Variants in C2CD3 observed in about 807,000 individuals in gnomAD.
C2CD3 encodes C2 domain-containing protein 3.
In C2CD3, 148 loss-of-function variants were observed where a neutral mutation model predicts 234.0. The observed-to-expected ratio is 0.63, with a 90% CI of 0.55 to 0.72. The LOEUF is 0.72. Ranked by LOEUF, C2CD3 falls within the 30% of genes least tolerant of loss-of-function variation. The pLI, the probability that C2CD3 is intolerant of heterozygous loss-of-function variation, is 0.00. For missense variants in C2CD3, 2,577 were observed against 2,811.5 expected, an observed-to-expected ratio of 0.92 and a Z score of 1.89; for synonymous variants, 1,000 against 1,035.4, an observed-to-expected ratio of 0.97 and a Z score of 0.66.
Position 74,013,503 on chromosome 11 carries a change from C to T in C2CD3, c.6944G>A (p.Gly2315Glu), listed in dbSNP as rs1951768701. The change falls in exon 33 of 33, where the codon GGA becomes GAA. Residue 2315 changes from glycine (G) to glutamate (E), a missense_variant. By Grantham distance (98) the Gly-to-Glu change is moderately conservative (BLOSUM62 -2). Coordinates refer to ENST00000334126, the MANE Select transcript of C2CD3 (RefSeq NM_001286577.2). ...GCGACAAGGCCTTTGGGAGAGAGCT[C>T]CCCTGGTGGCTTCGCTCTTGTCCTG... ...TDQDKSEATRGALSQRPCRPR... is the reference protein window; with the variant it reads ...TDQDKSEATREALSQRPCRPR... The T allele has an allele frequency of 1.5e-6, 2 of 1,371,430 alleles. No individual in the cohort carries two copies. Among genetic ancestry groups the T allele is most frequent in the Admixed American group, 3.6e-5 (1 of 28,164 alleles). The allele number at this position is 1,371,430 out of a possible 1,614,324, so 85.0% of individuals were successfully genotyped here. A position where few individuals can be genotyped will look rare whatever the true frequency, so the allele number is the denominator to read the frequency against.
intron 9 of C2CD3, among the ~76,000 whole-genome samples, chr11:74,117,112 A>G (rs143454945): frequency 2.2e-5 from 1 of 44,596 alleles, no homozygotes; most frequent in Non-Finnish European, 3.9e-5. Context: ...ATATATATAT[A>G]TGAATATATA....
intron 7 of C2CD3, among the ~76,000 whole-genome samples, chr11:74,130,563 C>G (rs1188426129): frequency 6.6e-6 from 1 of 152,074 alleles, no homozygotes; most frequent in African/African-American, 2.4e-5. Context: ...TGGGGCTATC[C>G]AGTTGTTCCA....
intron 29 of C2CD3, among the ~76,000 whole-genome samples, chr11:74,038,254 T>G (rs1320754580): frequency 1.3e-5 from 2 of 152,206 alleles, no homozygotes; most frequent in African/African-American, 4.8e-5. Flanking sequence ...CCCAGCATAG[T>G]GCTTGGCACA....
At chr11:74,064,152 G>A (rs1385225859) in intron 24 of C2CD3, among the ~76,000 whole-genome samples, 8 of 151,758 alleles carry the variant, frequency 5.3e-5, no homozygotes, top group Non-Finnish European at 1.5e-5. Flanking sequence ...GCGGTGTTTG[G>A]TTTTTTGTCC....
chr11:74,161,159 A>C (rs994005906), intron 3 of C2CD3, among the ~76,000 whole-genome samples: 2 of 152,194 alleles, frequency 1.3e-5, no homozygotes, highest in Non-Finnish European at 1.5e-5. Flanking sequence ...GTACAAGAAG[A>C]ATGAATGCTG....
Position 74,074,320 on chromosome 11 carries a change from A to G in C2CD3, c.4884T>C (p.Pro1628=), listed in dbSNP as rs1255364457. ...CTGCAAACGTTCCATCCAAATCAGC[A>G]GGGCCCTCCTGCGTCAGGCGGACTT... ...TAEVRLTQEG[P]ADLDGTFAVS... The change falls in exon 24 of 33, where the codon CCT becomes CCC. Residue 1628 remains proline (P), a synonymous_variant. Coordinates refer to ENST00000334126, the MANE Select transcript of C2CD3 (RefSeq NM_001286577.2). 1 of 1,614,222 alleles carries G rather than the reference A, an allele frequency of 6.2e-7. No homozygotes were observed. Among genetic ancestry groups the G allele is most frequent in the South Asian group, 1.1e-5 (1 of 91,086 alleles).
At position 74,100,630 on chromosome 11, in the gene C2CD3, T is replaced by C; in HGVS notation, c.2627A>G (p.Asn876Ser). Residue 876 changes from asparagine (N) to serine (S), a missense_variant, in exon 15 of 33, where the codon AAC becomes AGC. Asn to Ser is a conservative substitution (Grantham distance 46, BLOSUM62 1). Coordinates refer to ENST00000334126, the MANE Select transcript of C2CD3 (RefSeq NM_001286577.2). ...CCAAGTTTCAATTACCATCACATTG[T>C]TCTTAAGCCTTTCCAGGTATTTGGA... ...LSSKYLERLK[N>S]NVMVIETWNK... 1 of 1,614,044 alleles carries C rather than the reference T, an allele frequency of 6.2e-7. No individual in the cohort carries two copies. Among genetic ancestry groups the C allele is most frequent in the Non-Finnish European group, 8.5e-7 (1 of 1,179,916 alleles).
chr11:74,095,819 G>C (rs1956084006), intron 16 of C2CD3, among the ~76,000 whole-genome samples: 1 of 152,094 alleles, frequency 6.6e-6, no homozygotes, highest in Non-Finnish European at 1.5e-5. Flanking sequence ...AACAGCAAAG[G>C]AATGAGAAGT....
chr11:74,152,767 GA>G (rs1346517698), intron 3 of C2CD3, among the ~76,000 whole-genome samples: 3 of 151,902 alleles, frequency 2.0e-5, no homozygotes, highest in Non-Finnish European at 4.4e-5. Flanking sequence ...CAGACCAAAA[GA>G]AAAAAATCCA....
intron 5 of C2CD3, among the ~76,000 whole-genome samples, chr11:74,135,095 G>C (rs1957816375): frequency 6.6e-6 from 1 of 152,010 alleles, no homozygotes; most frequent in Non-Finnish European, 1.5e-5. Flanking sequence ...TTCAATGTGT[G>C]ATGTGGCAAT....
chr11:74,046,901 C>T (rs1239503066), intron 28 of C2CD3, among the ~76,000 whole-genome samples: 1 of 152,210 alleles, frequency 6.6e-6, no homozygotes, highest in Non-Finnish European at 1.5e-5. Flanking sequence ...AATAAAACCT[C>T]TCTCTTAAGG....
At chr11:74,041,172 C>T (rs1371464369) in intron 29 of C2CD3, among the ~76,000 whole-genome samples, 1 of 152,098 alleles carries the variant, frequency 6.6e-6, no homozygotes, top group East Asian at 1.9e-4. Context: ...TCCTTTCCTT[C>T]CTCCAACACC....
chr11:74,149,561 C>T (rs1262134993), intron 3 of C2CD3, among the ~76,000 whole-genome samples: 3 of 150,572 alleles, frequency 2.0e-5, no homozygotes, highest in Non-Finnish European at 4.4e-5. Context: ...TCGAATTCTC[C>T]TCTTAAGATT....
intron 15 of C2CD3, among the ~76,000 whole-genome samples, chr11:74,099,624 C>T (rs1956236064): frequency 3.9e-5 from 6 of 152,034 alleles, no homozygotes; most frequent in South Asian, 2.1e-4. Context: ...AGGCTGGGCG[C>T]GGTGGCTCAT....
At chr11:74,137,242 C>A (rs939228645) in intron 5 of C2CD3, among the ~76,000 whole-genome samples, 1 of 151,994 alleles carries the variant, frequency 6.6e-6, no homozygotes, top group African/African-American at 2.4e-5. Context: ...CCAAGTAACA[C>A]ACAGTTATTT....
intron 2 of C2CD3, among the ~76,000 whole-genome samples, chr11:74,166,002 T>C (rs1000695808): frequency 6.6e-6 from 1 of 151,968 alleles, no homozygotes; most frequent in Admixed American, 6.6e-5. Flanking sequence ...CTCTTATCGC[T>C]TCATTTTCTA....
chr11:74,130,147 G>GGGAGA (rs1957609405), intron 7 of C2CD3, among the ~76,000 whole-genome samples: 1 of 134,256 alleles, frequency 7.4e-6, no homozygotes, highest in African/African-American at 3.5e-5. Context: ...GAGAGGGAGA[G>GGGAGA]GGGAGAGGGG....
At position 74,098,233 on chromosome 11, in the gene C2CD3, G is replaced by C. The variant is rs17132707; in HGVS notation, c.2755C>G (p.Leu919Val). Residue 919 changes from leucine (L) to valine (V), a missense_variant, in exon 16 of 33, where the codon CTG (leucine) becomes GTG (valine). Physicochemically the swap from Leu to Val is conservative, Grantham distance 32. Transcript: ENST00000334126. ...ACAACTGGGTACTGGGCATCCAGCA[G>C]CAGGCGAGAAATCTTAGCATCTCTA... ...SFKDAKISRL[L>V]LDAQYPVVAV... 4.2e-5 allele frequency: 67 copies of C among 1,614,028 alleles called. No homozygotes were observed. The highest frequency in any genetic ancestry group is 1.0e-4 in the Admixed American group (6 of 60,022).
At chr11:74,098,722 T>G (rs1401123048) in intron 15 of C2CD3, among the ~76,000 whole-genome samples, 1 of 152,204 alleles carries the variant, frequency 6.6e-6, no homozygotes, top group African/African-American at 2.4e-5. Context: ...AAGGTTGGTA[T>G]TATCCACTAT....
Sources: allele counts gnomAD v4.1 joint callset (sites outside exome capture counted in the v4.1 genomes callset), GRCh38; gene constraint gnomAD v4.1.1; transcripts MANE v1.5; gene names NCBI Gene and HGNC (gene_info 2026-07-23, HGNC 2026-07-21).